Variants in MBD5 observed in about 807,000 individuals in gnomAD.
MBD5 encodes the protein methyl-CpG-binding domain protein 5.
In MBD5, 13 loss-of-function variants were observed where a neutral mutation model predicts 117.3. The ratio of observed to expected loss-of-function variants is 0.11; its 90% CI spans 0.07 to 0.18. MBD5 has a LOEUF of 0.18. Among genes scored for constraint, MBD5 ranks in the 10% least tolerant of loss-of-function variants. The pLI is 1.00. For synonymous variants in MBD5, 727 were observed against 766.4 expected (o/e 0.95, Z 0.85); for missense variants, 1,879 against 2,093.8 (o/e 0.90, Z 2.00).
At chr2:148,363,786 A>G (rs1463960908) in intron 4 of MBD5, among the ~76,000 whole-genome samples, 1 of 152,184 alleles carries the variant, frequency 6.6e-6, no homozygotes, top group Non-Finnish European at 1.5e-5. Flanking sequence ...TGTGAAGACT[A>G]GATTAGAGAA....
At chr2:148,410,102 T>C (rs1483167567) in intron 4 of MBD5, among the ~76,000 whole-genome samples, 2 of 152,166 alleles carry the variant, frequency 1.3e-5, no homozygotes, top group Non-Finnish European at 2.9e-5. Context: ...TTTAAAATTC[T>C]TGTAGATAAT....
At chr2:148,505,054 A>G (rs547875970) in intron 12 of MBD5, among the ~76,000 whole-genome samples, 1 of 152,332 alleles carries the variant, frequency 6.6e-6, no homozygotes, top group East Asian at 1.9e-4. Context: ...GACCCAAACC[A>G]GGAGCTGGTG....
At chr2:148,075,236 A>T (rs1695478021) in intron 1 of MBD5, among the ~76,000 whole-genome samples, 1 of 152,186 alleles carries the variant, frequency 6.6e-6, no homozygotes, top group African/African-American at 2.4e-5. Context: ...GGAGAAACTG[A>T]GACTTAAATA....
chr2:148,078,393 A>G (rs12997434), intron 1 of MBD5, among the ~76,000 whole-genome samples: 2,864 of 152,174 alleles, frequency 0.019, 45 homozygotes, highest in Middle Eastern at 0.031. Flanking sequence ...CAGATTGACA[A>G]AGTATTTTAC....
chr2:148,074,495 G>GTTTTT (rs1034437368), intron 1 of MBD5, among the ~76,000 whole-genome samples: 2 of 109,850 alleles, frequency 1.8e-5, no homozygotes, highest in Non-Finnish European at 3.7e-5. Flanking sequence ...TTTTTTTTTT[G>GTTTTT]TTTTTTTTTT....
At chr2:148,314,302 T>C (rs1702104677) in intron 3 of MBD5, among the ~76,000 whole-genome samples, 2 of 151,868 alleles carry the variant, frequency 1.3e-5, no homozygotes, top group African/African-American at 4.8e-5. Context: ...TATCTTAACT[T>C]CTTTATATTG....
chr2:148,312,115 C>T (rs2106532715), intron 3 of MBD5, among the ~76,000 whole-genome samples: 1 of 152,214 alleles, frequency 6.6e-6, no homozygotes, highest in East Asian at 1.9e-4. Context: ...GTGAATCTGA[C>T]CATTATGTGT....
At chr2:148,255,905 G>A (rs1700577861) in intron 3 of MBD5, among the ~76,000 whole-genome samples, 1 of 152,254 alleles carries the variant, frequency 6.6e-6, no homozygotes, top group South Asian at 2.1e-4. Flanking sequence ...CCAGTGAAAT[G>A]TGTTCTCCTC....
chr2:148,049,020 T>C (rs1381820801), intron 1 of MBD5, among the ~76,000 whole-genome samples: 3 of 152,142 alleles, frequency 2.0e-5, no homozygotes, highest in African/African-American at 7.2e-5. Flanking sequence ...ATTAGTGATG[T>C]TAGTGTCTGA....
chr2:148,484,276 A>G lies in MBD5; in HGVS notation c.3544+141A>G, dbSNP rs1681264156. 5.4e-5 allele frequency: 37 copies of G among 688,454 alleles called. No individual in the cohort carries two copies. The South Asian group carries it at 7.7e-4, about 14-fold the overall frequency. The allele number at this position is 688,454 out of a possible 1,614,324, so 42.6% of individuals were successfully genotyped here. ...ACAGCTTGCTTAAGGAACTAAATAT[A>G]ACAACACCCACACACAACCATAGTT... On this transcript the variant is annotated intron_variant, in intron 9 of 13. Coordinates refer to ENST00000642680, the MANE Select transcript of MBD5 (RefSeq NM_001378120.1).
At chr2:148,418,940 A>C (rs1378168138) in intron 4 of MBD5, among the ~76,000 whole-genome samples, 1 of 152,190 alleles carries the variant, frequency 6.6e-6, no homozygotes, top group Non-Finnish European at 1.5e-5. Flanking sequence ...AAAAAGAACA[A>C]ATCTGGAGGC....
Position 148,490,207 on chromosome 2 carries a change from G to A in MBD5, c.4575G>A (p.Gly1525=). The A allele has an allele frequency of 6.2e-7, 1 of 1,614,160 alleles. No individual in the cohort carries two copies. Among genetic ancestry groups the A allele is most frequent in the Non-Finnish European group, 8.5e-7 (1 of 1,180,026 alleles). ...NTVERCAHIN[G]NRPRQSRGFG... is the part of the protein sequence containing the mutation. ...TGGAAAGATGTGCACACATAAATGG[G>A]AATAGACCTCGACAGAGTCGGGGAT... The change falls in exon 11 of 14, where the codon GGG becomes GGA. Residue 1525 remains glycine, a synonymous_variant. Coordinates refer to ENST00000642680, the MANE Select transcript of MBD5 (RefSeq NM_001378120.1).
At chr2:148,031,927 T>C (rs1163557365) in intron 1 of MBD5, among the ~76,000 whole-genome samples, 4 of 152,198 alleles carry the variant, frequency 2.6e-5, no homozygotes, top group Non-Finnish European at 4.4e-5. Flanking sequence ...ATGCAGCTTA[T>C]GTTTTCTCCA....
At chr2:148,415,038 A>G (rs1372705807) in intron 4 of MBD5, among the ~76,000 whole-genome samples, 1 of 151,998 alleles carries the variant, frequency 6.6e-6, no homozygotes, top group Admixed American at 6.6e-5. Context: ...TGCAGATTTG[A>G]TTGTGTAGTT....
intron 3 of MBD5, among the ~76,000 whole-genome samples, chr2:148,285,271 C>G (rs960533077): frequency 6.6e-5 from 10 of 152,292 alleles, no homozygotes; most frequent in Admixed American, 6.5e-4. Flanking sequence ...ATCTCAATAA[C>G]AGTTATATAC....
intron 4 of MBD5, among the ~76,000 whole-genome samples, chr2:148,376,814 A>G (rs183382420): frequency 9.7e-6 from 1 of 103,028 alleles, no homozygotes; most frequent in Admixed American, 1.1e-4. Flanking sequence ...ATAATATTAT[A>G]ATTTATATAA....
At chr2:148,409,032 A>C (rs997874070) in intron 4 of MBD5, among the ~76,000 whole-genome samples, 1 of 152,072 alleles carries the variant, frequency 6.6e-6, no homozygotes, top group African/African-American at 2.4e-5. Context: ...AGGTTCTGAA[A>C]CCAGTCCCCT....
intron 1 of MBD5, among the ~76,000 whole-genome samples, chr2:148,052,732 C>T (rs1027559269): frequency 2.0e-5 from 3 of 152,048 alleles, no homozygotes; most frequent in African/African-American, 7.2e-5. Context: ...ATTAAATTCT[C>T]ATTTCATTCC....
chr2:148,377,609 C>A (rs1236144781), intron 4 of MBD5, among the ~76,000 whole-genome samples: 1 of 152,172 alleles, frequency 6.6e-6, no homozygotes, highest in African/African-American at 2.4e-5. Context: ...GTGATTATGT[C>A]TCTCTCACTG....
Sources: allele counts gnomAD v4.1 joint callset (sites outside exome capture counted in the v4.1 genomes callset), GRCh38; gene constraint gnomAD v4.1.1; transcripts MANE v1.5; gene names NCBI Gene and HGNC (gene_info 2026-07-23, HGNC 2026-07-21).